NEBL: variants seen among roughly 807,000 people sequenced by gnomAD.
The protein encoded by NEBL is nebulette.
In NEBL, 122 loss-of-function variants were observed where a neutral mutation model predicts 140.2. The observed-to-expected ratio is 0.87, with a 90% CI of 0.75 to 1.01. The LOEUF is 1.01. NEBL is among the 50% of genes least tolerant of loss of function. NEBL has a pLI of 0.00. For synonymous variants in NEBL, 436 were observed against 398.9 expected (o/e 1.09, Z -1.11); for missense variants, 1,365 against 1,231.3 (o/e 1.11, Z -1.62).
intron 2 of NEBL, among the ~76,000 whole-genome samples, chr10:21,111,480 A>C (rs1838011237): frequency 6.6e-6 from 1 of 152,028 alleles, no homozygotes; most frequent in Admixed American, 6.6e-5. Flanking sequence ...GACAAAAACA[A>C]GCAATGGGGA....
chr10:21,126,589 T>A (rs1182679058), intron 2 of NEBL, among the ~76,000 whole-genome samples: 1 of 152,112 alleles, frequency 6.6e-6, no homozygotes, highest in Non-Finnish European at 1.5e-5. Context: ...AAAGACCAAC[T>A]AACCCAATTA....
intron 3 of NEBL, among the ~76,000 whole-genome samples, chr10:20,992,533 C>A (rs569405908): frequency 1.3e-5 from 2 of 152,114 alleles, no homozygotes; most frequent in Non-Finnish European, 2.9e-5. Flanking sequence ...GACCCAGAAA[C>A]CCATGAGAGC....
At chr10:21,098,627 G>A (rs1242902841) in intron 2 of NEBL, among the ~76,000 whole-genome samples, 1 of 152,056 alleles carries the variant, frequency 6.6e-6, no homozygotes, top group African/African-American at 2.4e-5. Flanking sequence ...ATCAATCCAT[G>A]AAGATAAACT....
intron 10 of NEBL, among the ~76,000 whole-genome samples, chr10:20,851,355 C>T (rs899774769): frequency 4.6e-5 from 7 of 151,940 alleles, no homozygotes; most frequent in African/African-American, 1.7e-4. Flanking sequence ...AAACTTAGAA[C>T]TTTATGAAAC....
intron 4 of NEBL, among the ~76,000 whole-genome samples, chr10:20,954,850 G>GGA: frequency 6.6e-6 from 1 of 152,308 alleles, no homozygotes; most frequent in South Asian, 2.1e-4. Flanking sequence ...GTGTGGATGG[G>GGA]GAGAGGTATG....
chr10:21,203,823 A>C (rs1841781935), intron 3 of NEBL, among the ~76,000 whole-genome samples: 1 of 152,164 alleles, frequency 6.6e-6, no homozygotes, highest in Non-Finnish European at 1.5e-5. Context: ...TGACTGTGCC[A>C]GAGACTTGCT....
intron 1 of NEBL, among the ~76,000 whole-genome samples, chr10:21,285,509 T>C (rs1045621001): frequency 1.3e-5 from 2 of 152,218 alleles, no homozygotes; most frequent in Non-Finnish European, 2.9e-5. Flanking sequence ...TTCTTACATA[T>C]ACTGATTGAT....
intron 1 of NEBL, chr10:21,172,611 C>A: frequency 1.6e-5 from 11 of 688,400 alleles, no homozygotes; most frequent in Middle Eastern, 3.4e-4. Context: ...GTGTAGGGAA[C>A]TGGGGATGTG....
chr10:20,981,255 G>A (rs1837026246), intron 3 of NEBL, among the ~76,000 whole-genome samples: 1 of 151,978 alleles, frequency 6.6e-6, no homozygotes, highest in African/African-American at 2.4e-5. Context: ...AGGTCCTGCT[G>A]GAGGCACAGT....
chr10:20,835,641 T>TG lies in NEBL; in HGVS notation c.1339-19_1339-18insC, dbSNP rs762491132. ...TATTCTTTCTGCAAAAGACAACATT[T>TG]TACAACATTCAAACACTCAGTGGGC... On this transcript the variant is annotated intron_variant, in intron 13 of 27. Transcript: ENST00000377122. 15 of 1,542,782 alleles carry TG rather than the reference T, an allele frequency of 9.7e-6. No homozygotes were observed. Among genetic ancestry groups the TG allele is most frequent in the Non-Finnish European group, 1.3e-5 (15 of 1,119,540 alleles).
At chr10:21,097,220 G>T (rs942253918) in intron 2 of NEBL, among the ~76,000 whole-genome samples, 1 of 35,478 alleles carries the variant, frequency 2.8e-5, no homozygotes, top group South Asian at 6.8e-4. Context: ...TGGGAGGTCC[G>T]GGGGGGGGGT....
intron 3 of NEBL, among the ~76,000 whole-genome samples, chr10:21,181,263 CA>C (rs35619848): frequency 1.6e-3 from 197 of 125,856 alleles, no homozygotes; most frequent in Admixed American, 1.9e-3. Flanking sequence ...AACTCTGTCT[CA>C]AAAAAAAAAA....
intron 3 of NEBL, among the ~76,000 whole-genome samples, chr10:21,212,598 G>A (rs1206283135): frequency 6.6e-6 from 1 of 152,186 alleles, no homozygotes; most frequent in Non-Finnish European, 1.5e-5. Context: ...GAATCACCCG[G>A]TTCTTCAGCT....
chr10:20,886,334 C>G (rs1187904749), intron 4 of NEBL, among the ~76,000 whole-genome samples: 2 of 151,706 alleles, frequency 1.3e-5, no homozygotes, highest in Non-Finnish European at 2.9e-5. Context: ...ACCAGCCTGG[C>G]CAACATGGCG....
intron 3 of NEBL, among the ~76,000 whole-genome samples, chr10:21,188,418 A>G (rs1589321517): frequency 6.6e-6 from 1 of 152,178 alleles, no homozygotes; most frequent in Admixed American, 6.5e-5. Flanking sequence ...AACAGTTGTC[A>G]TTTCTAGCTA....
intron 26 of NEBL, among the ~76,000 whole-genome samples, chr10:20,788,010 T>A (rs1435855335): frequency 3.3e-5 from 5 of 152,290 alleles, no homozygotes; most frequent in Admixed American, 3.3e-4. Context: ...TAAAAAAGTA[T>A]CAAAATAGTA....
chr10:20,794,003 T>G (rs1445996745), intron 26 of NEBL, among the ~76,000 whole-genome samples: 2 of 152,220 alleles, frequency 1.3e-5, no homozygotes, highest in African/African-American at 4.8e-5. Context: ...CCCCCAGTGC[T>G]TTGTTTCCAA....
At position 20,840,724 on chromosome 10, in the gene NEBL, A is replaced by T. The variant is rs1841333206; in HGVS notation, c.1338+15T>A. Reference sequence around the variant, plus strand: ...AAAAACATATTCATCTAAGGTGTTAAATAAACATACTCACCTCACTTGCCA... The same window carrying T: ...AAAAACATATTCATCTAAGGTGTTATATAAACATACTCACCTCACTTGCCA... On this transcript the variant is annotated intron_variant, in intron 13 of 27. Coordinates refer to ENST00000377122, the MANE Select transcript of NEBL (RefSeq NM_006393.3). 3.2e-6 allele frequency: 5 copies of T among 1,543,252 alleles called. No individual in the cohort carries two copies. Among genetic ancestry groups the T allele is most frequent in the Non-Finnish European group, 4.5e-6 (5 of 1,116,288 alleles).
chr10:21,125,955 G>T (rs761157935), intron 2 of NEBL: 1 of 1,614,066 alleles, frequency 6.2e-7, no homozygotes, highest in African/African-American at 1.3e-5. Flanking sequence ...TGGCCCAGTT[G>T]CCTGGATCTG....
Sources: gnomAD v4.1 joint callset for allele counts (sites outside exome capture counted in the v4.1 genomes callset) on GRCh38, gnomAD v4.1.1 for gene constraint, MANE v1.5 for transcripts, NCBI Gene and HGNC (gene_info 2026-07-23, HGNC 2026-07-21) for gene names.